The following CLIC5 variants were observed in gnomAD, a reference collection of about 807,000 sequenced individuals.
CLIC5 encodes the protein CLIC family member 5.
Under a neutral mutation model 24.7 loss-of-function variants are expected in CLIC5, and 20 were observed. That is an observed-to-expected ratio of 0.81 (90% CI 0.57 to 1.18). The LOEUF (loss-of-function observed/expected upper bound fraction) is 1.18. CLIC5 is among the 50% of genes most tolerant of loss of function. CLIC5 has a pLI of 0.00. For missense variants in CLIC5, 341 were observed against 326.1 expected, an observed-to-expected ratio of 1.05 and a Z score of -0.35; for synonymous variants, 159 against 135.6, an observed-to-expected ratio of 1.17 and a Z score of -1.20.
intron 1 of CLIC5, among the ~76,000 whole-genome samples, chr6:45,967,639 T>C (rs759759593): frequency 6.6e-6 from 1 of 152,172 alleles, no homozygotes; most frequent in African/African-American, 2.4e-5. Context: ...GTAATTTATA[T>C]TGAAAAGAGA....
At chr6:46,129,345 T>C in the CLIC5 span, among the ~76,000 whole-genome samples, 2 of 152,252 alleles carry the variant, frequency 1.3e-5, no homozygotes, top group Non-Finnish European at 2.9e-5. Context: ...TTGGAAAGTT[T>C]AGTTACATTA....
At chr6:46,062,621 A>G (rs1762316997) in intron 1 of CLIC5, among the ~76,000 whole-genome samples, 1 of 152,186 alleles carries the variant, frequency 6.6e-6, no homozygotes, top group Admixed American at 6.5e-5. Context: ...AGATTGCACA[A>G]ATCACTTGGT....
intron 1 of CLIC5, among the ~76,000 whole-genome samples, chr6:45,992,965 A>G (rs1239612763): frequency 1.3e-5 from 2 of 152,212 alleles, no homozygotes; most frequent in African/African-American, 4.8e-5. Context: ...ACACACAGAC[A>G]CACAAACACA....
intron 1 of CLIC5, among the ~76,000 whole-genome samples, chr6:46,003,849 C>A (rs1314732447): frequency 2.0e-5 from 3 of 152,166 alleles, no homozygotes; most frequent in African/African-American, 7.2e-5. Context: ...GGCTGGGAAA[C>A]CCTGTTCTGG....
At chr6:46,078,873 G>A (rs1187019052) in intron 1 of CLIC5, among the ~76,000 whole-genome samples, 4 of 152,170 alleles carry the variant, frequency 2.6e-5, no homozygotes, top group African/African-American at 7.2e-5. Flanking sequence ...AGAGAAATGA[G>A]TATGAACTAT....
At chr6:45,927,281 C>T (rs530154306) in intron 4 of CLIC5, among the ~76,000 whole-genome samples, 10 of 152,158 alleles carry the variant, frequency 6.6e-5, no homozygotes, top group Admixed American at 1.3e-4. Flanking sequence ...CTCACAGAGA[C>T]AGCTGCTCAG....
At chr6:46,016,231 A>G (rs1767005734), upstream of CLIC5, among the ~76,000 whole-genome samples, 1 of 149,744 alleles carries the variant, frequency 6.7e-6, no homozygotes, top group Non-Finnish European at 1.5e-5. Flanking sequence ...GGGGAAGGGG[A>G]AGGAAGAGAG....
At chr6:45,920,740 G>C in intron 4 of CLIC5, 1 of 788,434 alleles carries the variant, frequency 1.3e-6, no homozygotes. Flanking sequence ...CTAGGCCAAA[G>C]ATCCAGGAGC....
intron 1 of CLIC5, among the ~76,000 whole-genome samples, chr6:45,961,240 C>T (rs1327796794): frequency 6.6e-6 from 1 of 152,220 alleles, no homozygotes; most frequent in African/African-American, 2.4e-5. Flanking sequence ...GCCCATGAAA[C>T]TTGTCCCTGA....
chr6:46,062,145 A>G, intron 1 of CLIC5, among the ~76,000 whole-genome samples: 1 of 152,240 alleles, frequency 6.6e-6, no homozygotes, highest in Non-Finnish European at 1.5e-5. Context: ...GCTAATGGCT[A>G]CCATTTTGAA....
At chr6:46,106,562 A>G in the CLIC5 span, among the ~76,000 whole-genome samples, 2 of 152,228 alleles carry the variant, frequency 1.3e-5, no homozygotes, top group Non-Finnish European at 2.9e-5. Flanking sequence ...TTGAAGAATG[A>G]AGACAAAATT....
chr6:45,939,532 G>T (rs1764058569), intron 4 of CLIC5, among the ~76,000 whole-genome samples: 1 of 152,022 alleles, frequency 6.6e-6, no homozygotes, highest in African/African-American at 2.4e-5. Flanking sequence ...TGGATTTAGG[G>T]ACTACACTAA....
At chr6:46,025,908 T>A (rs1301214094) in intron 1 of CLIC5, among the ~76,000 whole-genome samples, 1 of 152,172 alleles carries the variant, frequency 6.6e-6, no homozygotes, top group Non-Finnish European at 1.5e-5. Context: ...AAGTAAGACA[T>A]GCCTTGCTTT....
At chr6:46,094,514 G>T in the CLIC5 span, among the ~76,000 whole-genome samples, 2 of 152,154 alleles carry the variant, frequency 1.3e-5, no homozygotes, top group Non-Finnish European at 2.9e-5. Flanking sequence ...CAAAAAAGGG[G>T]GTCTACAGGC....
chr6:45,911,568 AG>A, intron 5 of CLIC5: 5 of 977,682 alleles, frequency 5.1e-6, no homozygotes, highest in Non-Finnish European at 6.1e-6. Context: ...AATAAGATAA[AG>A]GGATCCAAAA....
downstream of CLIC5, among the ~76,000 whole-genome samples, chr6:45,894,817 A>G (rs979399436): frequency 2.0e-5 from 3 of 152,224 alleles, no homozygotes; most frequent in Non-Finnish European, 2.9e-5. Flanking sequence ...ATCCATGCGC[A>G]CTGTAAGGTG....
intron 6 of CLIC5, chr6:45,881,200 G>A (rs2127279149): frequency 5.0e-6 from 2 of 398,114 alleles, no homozygotes; most frequent in Non-Finnish European, 8.9e-6. Flanking sequence ...TGAAAGTAAA[G>A]AAACAACAGG....
At chr6:46,043,464 G>T (rs1767871661) in intron 1 of CLIC5, among the ~76,000 whole-genome samples, 1 of 152,222 alleles carries the variant, frequency 6.6e-6, no homozygotes, top group Admixed American at 6.5e-5. Flanking sequence ...CTGGTGGTGA[G>T]ATAGAGAAAG....
intron 1 of CLIC5, among the ~76,000 whole-genome samples, chr6:45,955,937 G>A (rs1423395782): frequency 1.3e-5 from 2 of 152,096 alleles, no homozygotes; most frequent in Non-Finnish European, 2.9e-5. Context: ...TCAGTTATGT[G>A]CAAGACACTG....
Sources: gnomAD v4.1 joint callset for allele counts (sites outside exome capture counted in the v4.1 genomes callset) on GRCh38, gnomAD v4.1.1 for gene constraint, MANE v1.5 for transcripts, NCBI Gene and HGNC (gene_info 2026-07-23, HGNC 2026-07-21) for gene names.